LRRTM4: variants seen among roughly 807,000 people sequenced by gnomAD.
The protein encoded by LRRTM4 is leucine-rich repeat transmembrane neuronal protein 4.
LRRTM4 carries 25 observed loss-of-function variants against 47.6 expected under a neutral mutation model. That is an observed-to-expected ratio of 0.53 (90% CI 0.38 to 0.73). LRRTM4 has a LOEUF of 0.73. Among genes scored for constraint, LRRTM4 ranks in the 30% least tolerant of loss-of-function variants. The pLI, the probability that LRRTM4 is intolerant of heterozygous loss-of-function variation, is 0.00. For synonymous variants in LRRTM4, 311 were observed against 269.5 expected (o/e 1.15, Z -1.51); for missense variants, 638 against 713.4 (o/e 0.89, Z 1.20).
chr2:76,815,505 G>C (rs1573158915), intron 3 of LRRTM4, among the ~76,000 whole-genome samples: 1 of 152,208 alleles, frequency 6.6e-6, no homozygotes, highest in East Asian at 1.9e-4. Context: ...TGGAATGACT[G>C]GATACCTGGA....
At chr2:77,327,137 A>G (rs566097395) in intron 3 of LRRTM4, among the ~76,000 whole-genome samples, 1 of 152,312 alleles carries the variant, frequency 6.6e-6, no homozygotes, top group Non-Finnish European at 1.5e-5. Context: ...TCACTTGGGC[A>G]AAAGGATAGC....
chr2:77,337,534 T>G (rs1671210874), intron 3 of LRRTM4, among the ~76,000 whole-genome samples: 1 of 152,102 alleles, frequency 6.6e-6, no homozygotes, highest in Admixed American at 6.6e-5. Flanking sequence ...CATGCTGTTC[T>G]CATGATAGTG....
chr2:76,803,513 T>G (rs1675810620), intron 3 of LRRTM4, among the ~76,000 whole-genome samples: 1 of 152,130 alleles, frequency 6.6e-6, no homozygotes, highest in Non-Finnish European at 1.5e-5. Flanking sequence ...TAAATCAGTA[T>G]AGCCAATGTG....
chr2:77,408,264 T>C (rs541137764), intron 3 of LRRTM4, among the ~76,000 whole-genome samples: 72 of 152,300 alleles, frequency 4.7e-4, no homozygotes, highest in African/African-American at 1.7e-3. Context: ...CCTGCCATGG[T>C]GCTCCCAACT....
intron 3 of LRRTM4, among the ~76,000 whole-genome samples, chr2:76,782,938 T>C (rs765980315): frequency 1.1e-4 from 17 of 152,188 alleles, no homozygotes; most frequent in Non-Finnish European, 1.9e-4. Flanking sequence ...ATATAACAAA[T>C]TGTTGAAGCT....
intron 3 of LRRTM4, among the ~76,000 whole-genome samples, chr2:76,799,515 G>A (rs1050854492): frequency 1.4e-5 from 2 of 144,276 alleles, no homozygotes; most frequent in Non-Finnish European, 3.1e-5. Context: ...GGCAAAAACT[G>A]CAAGCATTCC....
intron 3 of LRRTM4, among the ~76,000 whole-genome samples, chr2:76,847,367 G>C (rs931737351): frequency 1.3e-5 from 2 of 151,996 alleles, no homozygotes; most frequent in African/African-American, 4.8e-5. Context: ...ATTTTGAAAA[G>C]AATTTTGAAA....
chr2:77,132,024 C>G (rs913685467), intron 3 of LRRTM4, among the ~76,000 whole-genome samples: 1 of 152,108 alleles, frequency 6.6e-6, no homozygotes, highest in Non-Finnish European at 1.5e-5. Context: ...AGTCTTCCAG[C>G]TATTTTGAAA....
At chr2:77,025,509 T>C (rs922676178) in intron 3 of LRRTM4, among the ~76,000 whole-genome samples, 8 of 152,170 alleles carry the variant, frequency 5.3e-5, no homozygotes, top group African/African-American at 1.9e-4. Flanking sequence ...AAGATTCTTA[T>C]TCCTCTTCAG....
intron 3 of LRRTM4, among the ~76,000 whole-genome samples, chr2:77,055,357 T>C (rs1002649063): frequency 6.6e-6 from 1 of 152,186 alleles, no homozygotes; most frequent in Non-Finnish European, 1.5e-5. Context: ...ACATCTCTTC[T>C]TGTTTAAACA....
At chr2:76,809,046 T>C (rs1312867872) in intron 3 of LRRTM4, among the ~76,000 whole-genome samples, 1 of 152,134 alleles carries the variant, frequency 6.6e-6, no homozygotes, top group Non-Finnish European at 1.5e-5. Flanking sequence ...TCTTTCTCCA[T>C]GATCTTCAAA....
At chr2:77,221,053 A>C (rs976396246) in intron 3 of LRRTM4, among the ~76,000 whole-genome samples, 1 of 152,200 alleles carries the variant, frequency 6.6e-6, no homozygotes, top group African/African-American at 2.4e-5. Flanking sequence ...CCAATATTCA[A>C]CATTCTTAAA....
intron 3 of LRRTM4, among the ~76,000 whole-genome samples, chr2:76,937,553 T>A (rs1363387592): frequency 1.3e-5 from 2 of 152,198 alleles, no homozygotes; most frequent in African/African-American, 4.8e-5. Context: ...ATCTTAATTA[T>A]CTTTACAAAA....
intron 3 of LRRTM4, among the ~76,000 whole-genome samples, chr2:76,967,513 G>A (rs1439007608): frequency 6.6e-6 from 1 of 151,528 alleles, no homozygotes; most frequent in Non-Finnish European, 1.5e-5. Context: ...TTGTTGAAAT[G>A]TGGGTTTGGG....
In LRRTM4 at chr2:77,404,660, C is replaced by G. The variant is rs183454403; in HGVS notation, c.1551+113658G>C. On this transcript the variant is annotated intron_variant, in intron 3 of 3. Transcript: ENST00000409884. ...ATAGTTTGACCTCTCACTACCTTAG[C>G]TTACTGAAGTAACAAGTGGAATCAA... Among the ~76,000 whole-genome samples the G allele has an allele frequency of 1.8e-4, 27 of 152,134 alleles. 1 individual carries two copies. Among genetic ancestry groups the G allele is most frequent in the Admixed American group, 1.8e-3 (27 of 15,248 alleles).
Position 76,795,534 on chromosome 2 carries a change from CATATGCATATACATGT to C in LRRTM4, c.1552-46634_1552-46619del, listed in dbSNP as rs562764053. 2.6e-3 allele frequency among the ~76,000 whole-genome samples: 392 copies of C among 151,792 alleles called. 2 individuals are homozygous for C. The highest frequency in any genetic ancestry group is 9.0e-3 in the African/African-American group (374 of 41,338). On this transcript the variant is annotated intron_variant, in intron 3 of 3. Transcript: ENST00000409884. ...AAATATGAGAGCACTACATATATAC[CATATGCATATACATGT>C]ATATGCATATATACATGTGCATATA...
intron 3 of LRRTM4, among the ~76,000 whole-genome samples, chr2:77,195,986 C>T (rs1192785842): frequency 6.6e-6 from 1 of 152,078 alleles, no homozygotes; most frequent in African/African-American, 2.4e-5. Flanking sequence ...TTAATCTTTC[C>T]TGACAAGAAG....
intron 3 of LRRTM4, among the ~76,000 whole-genome samples, chr2:77,288,468 A>G (rs1490070811): frequency 6.6e-6 from 1 of 152,002 alleles, no homozygotes; most frequent in Non-Finnish European, 1.5e-5. Context: ...TAAAAGGAAC[A>G]AAACTGAAAA....
intron 3 of LRRTM4, among the ~76,000 whole-genome samples, chr2:77,133,954 T>TTGAAC (rs1186349815): frequency 1.6e-4 from 24 of 152,254 alleles, no homozygotes; most frequent in African/African-American, 5.3e-4. Flanking sequence ...ATTTTAAAAG[T>TTGAAC]TAGTTCTGTC....
Sources: gnomAD v4.1 joint callset for allele counts (sites outside exome capture counted in the v4.1 genomes callset) on GRCh38, gnomAD v4.1.1 for gene constraint, MANE v1.5 for transcripts, NCBI Gene and HGNC (gene_info 2026-07-23, HGNC 2026-07-21) for gene names.